EYS: variants seen among roughly 807,000 people sequenced by gnomAD.
The protein encoded by EYS is protein eyes shut homolog.
Under a neutral mutation model 282.1 loss-of-function variants are expected in EYS, and 250 were observed. The ratio of observed to expected loss-of-function variants is 0.89; its 90% CI spans 0.80 to 0.98. The LOEUF is 0.98. Ranked by LOEUF, EYS falls within the 50% of genes least tolerant of loss-of-function variation. EYS has a pLI of 0.00. For missense variants in EYS, 4,016 were observed against 3,709.0 expected (o/e 1.08, Z -2.15); for synonymous variants, 1,355 against 1,282.9 (o/e 1.06, Z -1.20).
At chr6:63,911,009 A>G (rs916274696) in intron 35 of EYS, among the ~76,000 whole-genome samples, 3 of 151,972 alleles carry the variant, frequency 2.0e-5, no homozygotes, top group African/African-American at 7.2e-5. Flanking sequence ...CCAAAACAAT[A>G]TGCTTTATCA....
intron 1 of EYS, among the ~76,000 whole-genome samples, chr6:65,676,796 A>C (rs1203919620): frequency 6.6e-6 from 1 of 151,826 alleles, no homozygotes; most frequent in Non-Finnish European, 1.5e-5. Context: ...CAGATGTAAA[A>C]ATCCTCTGAA....
chr6:65,539,144 T>C (rs1768069000), intron 2 of EYS, among the ~76,000 whole-genome samples: 2 of 152,190 alleles, frequency 1.3e-5, no homozygotes, highest in African/African-American at 4.8e-5. Flanking sequence ...TTGCATTAAT[T>C]CTGCTTCTCC....
intron 22 of EYS, among the ~76,000 whole-genome samples, chr6:64,770,604 A>G (rs1489432249): frequency 6.6e-6 from 1 of 151,922 alleles, no homozygotes; most frequent in Non-Finnish European, 1.5e-5. Context: ...TTTAAACTCA[A>G]TCGTCGAAAC....
chr6:63,724,423 A>AT (rs1384343401), intron 42 of EYS, among the ~76,000 whole-genome samples: 1 of 152,006 alleles, frequency 6.6e-6, no homozygotes, highest in Admixed American at 6.6e-5. Flanking sequence ...TTATTTATAT[A>AT]TTTTTAATAT....
intron 11 of EYS, among the ~76,000 whole-genome samples, chr6:65,325,097 G>T (rs1582142922): frequency 6.6e-6 from 1 of 152,168 alleles, no homozygotes; most frequent in African/African-American, 2.4e-5. Context: ...CAAGGTGGCA[G>T]CAAGGGGAAT....
At chr6:64,513,165 A>G (rs557547080) in intron 26 of EYS, among the ~76,000 whole-genome samples, 2 of 152,068 alleles carry the variant, frequency 1.3e-5, no homozygotes, top group South Asian at 2.1e-4. Context: ...ATTTAATTAT[A>G]AAATAGCTAG....
At chr6:65,540,824 G>A (rs1768141767) in intron 2 of EYS, among the ~76,000 whole-genome samples, 1 of 152,092 alleles carries the variant, frequency 6.6e-6, no homozygotes, top group African/African-American at 2.4e-5. Context: ...CAGGGAGGCT[G>A]AGGCAGGAGA....
chr6:64,944,147 G>T (rs895000198), intron 15 of EYS, among the ~76,000 whole-genome samples: 1 of 152,086 alleles, frequency 6.6e-6, no homozygotes, highest in Non-Finnish European at 1.5e-5. Context: ...AAATGGTGCT[G>T]GGAAAATTGG....
chr6:64,542,623 A>C (rs1244859671), intron 26 of EYS, among the ~76,000 whole-genome samples: 1 of 152,094 alleles, frequency 6.6e-6, no homozygotes, highest in Admixed American at 6.6e-5. Context: ...AGATTAAAGC[A>C]ATGCTCAATT....
intron 5 of EYS, among the ~76,000 whole-genome samples, chr6:65,422,418 AG>A (rs1200275761): frequency 1.3e-5 from 2 of 152,062 alleles, no homozygotes; most frequent in East Asian, 3.9e-4. Context: ...AGCAATAAAC[AG>A]AACCAAATTG....
intron 5 of EYS, among the ~76,000 whole-genome samples, chr6:65,458,850 T>C (rs1764719478): frequency 6.6e-6 from 1 of 152,022 alleles, no homozygotes; most frequent in Non-Finnish European, 1.5e-5. Context: ...TGAGGAGAAA[T>C]TGCAATGTTT....
At chr6:65,211,707 A>G (rs1443495481) in intron 12 of EYS, among the ~76,000 whole-genome samples, 2 of 151,904 alleles carry the variant, frequency 1.3e-5, no homozygotes, top group African/African-American at 4.8e-5. Flanking sequence ...TGGTAAACAG[A>G]GTAGAGAGAA....
At chr6:63,881,219 G>A (rs1247322503) in intron 35 of EYS, among the ~76,000 whole-genome samples, 2 of 152,120 alleles carry the variant, frequency 1.3e-5, no homozygotes, top group African/African-American at 4.8e-5. Context: ...TATTTTTAAA[G>A]CTCCAGTGAT....
chr6:65,351,974 T>C (rs934006862), intron 9 of EYS, among the ~76,000 whole-genome samples: 1 of 151,818 alleles, frequency 6.6e-6, no homozygotes. Flanking sequence ...TTTATTTCTT[T>C]GTTTCGTCTG....
intron 22 of EYS, among the ~76,000 whole-genome samples, chr6:64,758,324 A>G (rs1773024880): frequency 6.6e-6 from 1 of 152,186 alleles, no homozygotes; most frequent in Non-Finnish European, 1.5e-5. Context: ...ATTACAATGT[A>G]GGGGCAAATG....
At chr6:64,963,913 G>C (rs939357378) in intron 14 of EYS, among the ~76,000 whole-genome samples, 1 of 151,946 alleles carries the variant, frequency 6.6e-6, no homozygotes, top group African/African-American at 2.4e-5. Context: ...ACATAATATA[G>C]AATTACAATA....
intron 29 of EYS, among the ~76,000 whole-genome samples, chr6:64,353,570 C>T (rs1771720677): frequency 6.6e-6 from 1 of 151,588 alleles, no homozygotes; most frequent in Admixed American, 6.6e-5. Context: ...ACAGAAATCT[C>T]ACCCTCTGTA....
chr6:65,107,489 G>A (rs1005851654), intron 12 of EYS, among the ~76,000 whole-genome samples: 1 of 134,372 alleles, frequency 7.4e-6, no homozygotes, highest in African/African-American at 3.3e-5. Flanking sequence ...GGAAACAAAT[G>A]GCTGCGATCT....
chr6:64,025,262 C>T (rs1488452730), intron 33 of EYS, among the ~76,000 whole-genome samples: 20 of 152,142 alleles, frequency 1.3e-4, no homozygotes, highest in East Asian at 1.9e-4. Context: ...CTAGAACCAG[C>T]TTCCACTTTT....
Sources: gnomAD v4.1 joint callset for allele counts (sites outside exome capture counted in the v4.1 genomes callset) on GRCh38, gnomAD v4.1.1 for gene constraint, MANE v1.5 for transcripts, NCBI Gene and HGNC (gene_info 2026-07-23, HGNC 2026-07-21) for gene names.